ZMYND8: variants seen among roughly 807,000 people sequenced by gnomAD.
ZMYND8 encodes MYND-type zinc finger-containing chromatin reader ZMYND8.
A neutral mutation model predicts 140.8 loss-of-function variants in ZMYND8; 37 were observed. The observed-to-expected ratio is 0.26, with a 90% CI of 0.20 to 0.35. ZMYND8 has a LOEUF of 0.35. ZMYND8 is among the 10% of genes least tolerant of loss of function. The pLI is 1.00. For missense variants in ZMYND8, 1,068 were observed against 1,570.0 expected, an observed-to-expected ratio of 0.68 and a Z score of 5.40; for synonymous variants, 592 against 597.1, an observed-to-expected ratio of 0.99 and a Z score of 0.12.
Position 47,276,297 on chromosome 20 carries a change from C to T in ZMYND8, c.1480+17G>A. ...TGTCCAAGGGGCCTCCTCCCCGCTC[C>T]CCCGCACGGAGCTGACCTGTGCTCT... On this transcript the variant is annotated intron_variant, in intron 11 of 22. Coordinates refer to ENST00000471951, the MANE Select transcript of ZMYND8 (RefSeq NM_001281775.3). 6.6e-7 allele frequency: 1 copy of T among 1,516,516 alleles called. No individual in the cohort carries two copies. The highest frequency in any genetic ancestry group is 8.8e-7 in the Non-Finnish European group (1 of 1,133,506). The allele number at this position is 1,516,516 out of a possible 1,614,324, so 93.9% of individuals were successfully genotyped here.
At chr20:47,349,824 G>T in intron 1 of ZMYND8, 1 of 1,532,270 alleles carries the variant, frequency 6.5e-7, no homozygotes, top group Non-Finnish European at 8.7e-7. Context: ...AGTGGTGAGG[G>T]AAACAATTAT....
At chr20:47,260,435 A>G (rs1287981157) in intron 12 of ZMYND8, among the ~76,000 whole-genome samples, 1 of 151,764 alleles carries the variant, frequency 6.6e-6, no homozygotes, top group East Asian at 1.9e-4. Context: ...GGATGCAGCC[A>G]CCCTGGCCTC....
intron 14 of ZMYND8, among the ~76,000 whole-genome samples, chr20:47,241,128 T>C (rs1034975803): frequency 1.1e-4 from 16 of 151,726 alleles, no homozygotes; most frequent in Admixed American, 1.0e-3. Flanking sequence ...ACCCCATCTC[T>C]ACTAAAGATA....
chr20:47,282,859 C>T (rs542012705), intron 9 of ZMYND8, among the ~76,000 whole-genome samples: 7 of 152,196 alleles, frequency 4.6e-5, no homozygotes, highest in Non-Finnish European at 8.8e-5. Context: ...ACACCAATAC[C>T]TTCTGTTTTT....
chr20:47,229,870 T>C (rs1201540071), intron 16 of ZMYND8, 64 bp from the exon 17 acceptor site: 4 of 1,425,234 alleles, frequency 2.8e-6, no homozygotes, highest in African/African-American at 2.9e-5. Flanking sequence ...TGGTGACAAA[T>C]ACTTAAAATC....
intron 4 of ZMYND8, among the ~76,000 whole-genome samples, chr20:47,297,173 G>A (rs562516042): frequency 1.3e-5 from 2 of 152,268 alleles, no homozygotes; most frequent in African/African-American, 4.8e-5. Flanking sequence ...TCTCCATCTA[G>A]AGTAACCCAA....
intron 1 of ZMYND8, among the ~76,000 whole-genome samples, chr20:47,356,104 G>C (rs2083210305): frequency 1.3e-5 from 2 of 151,986 alleles, no homozygotes; most frequent in South Asian, 4.1e-4. Flanking sequence ...TTGCAAACAC[G>C]CTCCTCTCTT....
At chr20:47,242,459 G>C (rs1349066848) in intron 14 of ZMYND8, among the ~76,000 whole-genome samples, 2 of 152,188 alleles carry the variant, frequency 1.3e-5, no homozygotes, top group Non-Finnish European at 2.9e-5. Flanking sequence ...TGTTGAACTG[G>C]GCCCTTCTAA....
At position 47,347,919 on chromosome 20, in the gene ZMYND8, C is replaced by T; in HGVS notation, c.22G>A (p.Glu8Lys). ...TCCTGTTCTGTTTTTATTTCCTCTT[C>T]AGCCAAGCTGAAACAGAGCAAATTA... MHPQSLAEEEIKTEQEVV... is the reference protein window; with the variant it reads MHPQSLAKEEIKTEQEVV... The change falls in exon 2 of 23, where the codon GAA (glutamate) becomes AAA (lysine). Residue 8 changes from glutamate to lysine, a missense_variant. Around this residue, in one of 10 missense-constraint regions of ZMYND8, gnomAD observed 77 missense variants for 85.1 expected, o/e 0.91. Coordinates refer to ENST00000471951, the MANE Select transcript of ZMYND8 (RefSeq NM_001281775.3). 1.2e-6 allele frequency: 2 copies of T among 1,613,874 alleles called. No homozygotes were observed. The highest frequency in any genetic ancestry group is 1.7e-6 in the Non-Finnish European group (2 of 1,180,020).
At chr20:47,278,156 A>G (rs1402629832) in intron 10 of ZMYND8, among the ~76,000 whole-genome samples, 1 of 152,096 alleles carries the variant, frequency 6.6e-6, no homozygotes, top group Non-Finnish European at 1.5e-5. Flanking sequence ...TAACTTTTGT[A>G]TACTTTTGTA....
intron 7 of ZMYND8, among the ~76,000 whole-genome samples, chr20:47,288,443 A>T (rs1460099931): frequency 7.7e-6 from 1 of 129,130 alleles, no homozygotes; most frequent in Non-Finnish European, 1.5e-5. Flanking sequence ...CCCAGGTTGG[A>T]GTGCAGGGGC....
chr20:47,309,969 C>T (rs1356150459), intron 3 of ZMYND8, 87 bp downstream of exon 3: 13 of 1,561,870 alleles, frequency 8.3e-6, no homozygotes, highest in Non-Finnish European at 1.1e-5. Context: ...TCCAAGAAAG[C>T]CGGCGCTTAC....
chr20:47,321,834 G>T (rs968200541), intron 2 of ZMYND8, among the ~76,000 whole-genome samples: 3 of 148,658 alleles, frequency 2.0e-5, no homozygotes, highest in African/African-American at 7.5e-5. Flanking sequence ...TACAAATATC[G>T]ATTTATTTAA....
rs2079451000 is a variant in ZMYND8, at chr20:47,316,955, C to T, written c.86-6751G>A. 2.0e-5 allele frequency among the ~76,000 whole-genome samples: 3 copies of T among 152,114 alleles called. 1 individual carries two copies. The South Asian group carries it at 6.2e-4, about 32-fold the overall frequency. ...TGGGATTTGAACCCAGGCAGTGAGG[C>T]TCCGAGGGCCAGAGCAGTACTGGGA... On this transcript the variant is annotated intron_variant, in intron 2 of 22. Transcript: ENST00000471951.
Position 47,224,506 on chromosome 20 carries a change from G to A in ZMYND8, c.3067C>T (p.Leu1023Phe), listed in dbSNP as rs766365340. Residue 1023 changes from leucine (L) to phenylalanine (F), a missense_variant, in exon 19 of 23, where the codon CTC (leucine) becomes TTC (phenylalanine). Leu to Phe is a conservative substitution (Grantham distance 22). Coordinates refer to ENST00000471951, the MANE Select transcript of ZMYND8 (RefSeq NM_001281775.3). ...AGCTGCTTCTTCACCTCGGCGATGA[G>A]CCGGTCCCGCTCCTGCTCCAGGCTC... ...RQSLEQERDR[L>F]IAEVKKQLEL... The A allele has an allele frequency of 3.1e-6, 5 of 1,614,108 alleles. No homozygotes were observed. Among genetic ancestry groups the A allele is most frequent in the Non-Finnish European group, 4.2e-6 (5 of 1,180,044 alleles).
chr20:47,318,787 G>A, intron 2 of ZMYND8: 2 of 504,186 alleles, frequency 4.0e-6, no homozygotes, highest in Non-Finnish European at 7.4e-6. Flanking sequence ...CAAATCAACA[G>A]GAACTTCTCA....
intron 4 of ZMYND8, among the ~76,000 whole-genome samples, 155 bp from the exon 5 acceptor site, chr20:47,294,934 A>ATTTT (rs1230388016): frequency 6.6e-6 from 1 of 152,234 alleles, no homozygotes; most frequent in Non-Finnish European, 1.5e-5. Context: ...CTGGAACAAA[A>ATTTT]TGTACCAGAT....
chr20:47,264,987 T>A (rs964090681), intron 11 of ZMYND8, among the ~76,000 whole-genome samples: 11 of 150,932 alleles, frequency 7.3e-5, no homozygotes, highest in Admixed American at 2.7e-4. Context: ...CAGTGAACCG[T>A]GATCATGCCA....
rs138389921 is a variant in ZMYND8, at chr20:47,329,334, C to A, written c.85+18522G>T. On this transcript the variant is annotated intron_variant, in intron 2 of 22. Transcript: ENST00000471951. Reference sequence around the variant, plus strand: ...CAGTGCTGTCTAATAACAGCAGCCTCTAATCACCTGTGGCTGTCAGACACT... The same window carrying A: ...CAGTGCTGTCTAATAACAGCAGCCTATAATCACCTGTGGCTGTCAGACACT... Among the ~76,000 whole-genome samples the A allele has an allele frequency of 1.3e-3, 194 of 152,332 alleles. 3 individuals are homozygous for A. Among genetic ancestry groups the A allele is most frequent in the African/African-American group, 4.6e-3 (190 of 41,572 alleles).
Sources: gnomAD v4.1 joint callset for allele counts (sites outside exome capture counted in the v4.1 genomes callset) on GRCh38, gnomAD v4.1.1 for gene constraint, gnomAD v4.1.1 regional missense constraint, MANE v1.5 for transcripts, NCBI Gene and HGNC (gene_info 2026-07-23, HGNC 2026-07-21) for gene names.